Variants in MS4A6E observed in about 807,000 individuals in gnomAD.
The protein encoded by MS4A6E is membrane spanning 4-domains A6E, also known as membrane-spanning 4-domains subfamily A member 6E.
Under a neutral mutation model 13.2 loss-of-function variants are expected in MS4A6E, and 8 were observed. The observed-to-expected ratio is 0.60, with a 90% CI of 0.35 to 1.09. The LOEUF (loss-of-function observed/expected upper bound fraction) is 1.09, where lower values mean the gene tolerates loss of function less well. Among genes scored for constraint, MS4A6E ranks in the 50% least tolerant of loss-of-function variants. The pLI is 0.02. For missense variants in MS4A6E, 177 were observed against 171.1 expected, an observed-to-expected ratio of 1.03 and a Z score of -0.19; for synonymous variants, 72 against 67.6, an observed-to-expected ratio of 1.06 and a Z score of -0.32.
At position 60,329,104 on chromosome 11, in the gene MS4A6E, G is replaced by A. The variant is rs190672542; in HGVS notation, c.-15+1696G>A. 9.8e-3 allele frequency among the ~76,000 whole-genome samples: 1,487 copies of A among 152,098 alleles called. 24 individuals carry two copies. Among genetic ancestry groups the A allele is most frequent in the African/African-American group, 0.029 (1,218 of 41,456 alleles). On this transcript the variant is annotated intron_variant, in intron 1 of 4. Transcript: ENST00000684409. ...GGTTTGCTGCACCCATCAACCCATC[G>A]TCTACATTAGGTATTTCTCCTAATG...
At chr11:60,337,623 C>T in intron 2 of MS4A6E, 118 bp from the exon 3 acceptor site, 1 of 1,240,486 alleles carries the variant, frequency 8.1e-7, no homozygotes, top group Non-Finnish European at 1.1e-6. Flanking sequence ...AGAAATGATC[C>T]CTCCGGGACT....
At chr11:60,337,981 A>T in intron 3 of MS4A6E, 34 bp downstream of exon 3, 1 of 1,586,618 alleles carries the variant, frequency 6.3e-7, no homozygotes, top group Non-Finnish European at 8.6e-7. Context: ...TTCTAATTTT[A>T]TGAGGTTTCT....
chr11:60,341,597 G>GCA (rs61458299), downstream of MS4A6E, among the ~76,000 whole-genome samples: 45 of 150,478 alleles, frequency 3.0e-4, no homozygotes, highest in South Asian at 6.3e-4. Context: ...GCACACACAC[G>GCA]CACACACACA....
intron 1 of MS4A6E, among the ~76,000 whole-genome samples, chr11:60,329,518 T>C (rs762806656): frequency 1.3e-5 from 2 of 152,218 alleles, no homozygotes; most frequent in South Asian, 2.1e-4. Flanking sequence ...AGTAATGGGA[T>C]TGCTGGGTCA....
At chr11:60,337,072 C>T (rs969385424) in intron 2 of MS4A6E, among the ~76,000 whole-genome samples, 1 of 152,104 alleles carries the variant, frequency 6.6e-6, no homozygotes. Flanking sequence ...ATCCTTGGGC[C>T]CGCACCTAGA....
chr11:60,348,610 G>C (rs187181447), intron 4 of MS4A6E, among the ~76,000 whole-genome samples: 1 of 152,218 alleles, frequency 6.6e-6, no homozygotes, highest in Non-Finnish European at 1.5e-5. Context: ...GCAATCAGAG[G>C]CTGGGGTCAG....
chr11:60,347,238 A>G (rs181571799), intron 4 of MS4A6E, among the ~76,000 whole-genome samples: 142 of 152,260 alleles, frequency 9.3e-4, no homozygotes, highest in African/African-American at 3.3e-3. Flanking sequence ...ATCATTTCCT[A>G]TGGAATTTCC....
chr11:60,345,195 A>G (rs2085250669), downstream of MS4A6E, among the ~76,000 whole-genome samples: 3 of 152,050 alleles, frequency 2.0e-5, no homozygotes, highest in Admixed American at 2.0e-4. Context: ...CGGCCTCCCA[A>G]AGTGCTGGGA....
intron 4 of MS4A6E, among the ~76,000 whole-genome samples, chr11:60,347,991 TAGAC>T (rs1178960242): frequency 1.3e-5 from 2 of 152,196 alleles, no homozygotes; most frequent in South Asian, 4.1e-4. Context: ...TGTTTACCCT[TAGAC>T]AGCGATTCGG....
intron 1 of MS4A6E, 135 bp from the exon 2 acceptor site, chr11:60,334,747 C>G: frequency 1.1e-6 from 1 of 917,078 alleles, no homozygotes; most frequent in Non-Finnish European, 1.7e-6. Context: ...GCTTTCACTG[C>G]TCCATAATAT....
At chr11:60,329,597 A>G (rs1250215677) in intron 1 of MS4A6E, among the ~76,000 whole-genome samples, 2 of 152,112 alleles carry the variant, frequency 1.3e-5, no homozygotes, top group Non-Finnish European at 2.9e-5. Context: ...GAATTAATTT[A>G]CACTCCCACC....
At chr11:60,342,650 T>C (rs1487509758), downstream of MS4A6E, among the ~76,000 whole-genome samples, 2 of 152,178 alleles carry the variant, frequency 1.3e-5, no homozygotes, top group African/African-American at 2.4e-5. Flanking sequence ...CGGCACCATA[T>C]TGCCTGCTTT....
At position 60,346,626 on chromosome 11, in the gene MS4A6E, T is replaced by C. The variant is rs548180591; in HGVS notation, c.*162+5698T>C. ...TTAGAATAATTAAAAGGTTTGGCCC[T>C]AGTTCTTTGTAGGCCCTCTAATATA... On this transcript the variant is annotated intron_variant and NMD_transcript_variant, in intron 4 of 4. Coordinates refer to the MS4A6E transcript ENST00000532756. Among the ~76,000 whole-genome samples, 213 of 152,354 alleles carry C rather than the reference T, an allele frequency of 1.4e-3. 1 individual carries two copies. The highest frequency in any genetic ancestry group is 5.0e-3 in the African/African-American group (207 of 41,578).
chr11:60,340,498 C>T (rs1222015278), intron 4 of MS4A6E, among the ~76,000 whole-genome samples: 1 of 152,126 alleles, frequency 6.6e-6, no homozygotes, highest in African/African-American at 2.4e-5. Flanking sequence ...AATCAAATTC[C>T]AAGGGATACC....
At chr11:60,340,627 G>C (rs77771494) in intron 4 of MS4A6E, 149 bp from the exon 5 acceptor site, 1 of 152,716 alleles carries the variant, frequency 6.5e-6, no homozygotes, top group Non-Finnish European at 1.5e-5. Context: ...GAAGAACCCA[G>C]TGATCTGCTC....
intron 2 of MS4A6E, among the ~76,000 whole-genome samples, chr11:60,336,200 T>C (rs2085187721): frequency 6.6e-6 from 1 of 152,228 alleles, no homozygotes; most frequent in African/African-American, 2.4e-5. Flanking sequence ...AAATGAAATG[T>C]AACTTTCTAT....
chr11:60,341,840 T>C (rs746496959), downstream of MS4A6E, among the ~76,000 whole-genome samples: 1 of 152,192 alleles, frequency 6.6e-6, no homozygotes, highest in Non-Finnish European at 1.5e-5. Flanking sequence ...GTCTTCTCCC[T>C]GTCCTTTGCA....
intron 1 of MS4A6E, among the ~76,000 whole-genome samples, chr11:60,329,075 T>C (rs1306448742): frequency 3.9e-5 from 6 of 152,182 alleles, no homozygotes. Flanking sequence ...ACACGTGCCA[T>C]GGTGGTTTGC....
At chr11:60,334,225 C>T (rs1280331589) in intron 1 of MS4A6E, among the ~76,000 whole-genome samples, 4 of 152,066 alleles carry the variant, frequency 2.6e-5, no homozygotes, top group African/African-American at 9.7e-5. Flanking sequence ...AGGCGGACAC[C>T]AGGGGGAGAA....
Sources: allele counts gnomAD v4.1 joint callset (sites outside exome capture counted in the v4.1 genomes callset), GRCh38; gene constraint gnomAD v4.1.1; transcripts MANE v1.5; gene names NCBI Gene and HGNC (gene_info 2026-07-23, HGNC 2026-07-21).